The following CLIP4 variants were observed in gnomAD, a reference collection of about 807,000 sequenced individuals.
CLIP4 encodes the protein CAP-Gly domain containing linker protein family member 4, also known as CAP-Gly domain-containing linker protein 4.
CLIP4 carries 47 observed loss-of-function variants against 73.1 expected under a neutral mutation model. The ratio of observed to expected loss-of-function variants is 0.64; its 90% CI spans 0.51 to 0.82. CLIP4 has a LOEUF of 0.82. Ranked by LOEUF, CLIP4 falls within the 40% of genes least tolerant of loss-of-function variation. The pLI is 0.00. For synonymous variants in CLIP4, 306 were observed against 295.4 expected, an observed-to-expected ratio of 1.04 and a Z score of -0.37; for missense variants, 874 against 852.9, an observed-to-expected ratio of 1.02 and a Z score of -0.31.
At chr2:29,174,241 C>T in intron 14 of CLIP4, 132 bp from the exon 15 acceptor site, 1 of 799,496 alleles carries the variant, frequency 1.3e-6, no homozygotes, top group Non-Finnish European at 1.9e-6. Flanking sequence ...TGTGAGCCAC[C>T]ATGCCAGCCT....
intron 2 of CLIP4, chr2:29,130,607 T>G: frequency 9.0e-7 from 1 of 1,105,684 alleles, no homozygotes; most frequent in Non-Finnish European, 1.1e-6. Flanking sequence ...GGCTTCTATT[T>G]TGATTTTTGC....
At chr2:29,157,033 T>G (rs1666971046) in intron 10 of CLIP4, among the ~76,000 whole-genome samples, 171 bp from the exon 11 acceptor site, 1 of 152,198 alleles carries the variant, frequency 6.6e-6, no homozygotes, top group African/African-American at 2.4e-5. Context: ...TAAAATCTTT[T>G]ATATATAAAC....
At chr2:29,150,183 C>T (rs1169326390) in intron 8 of CLIP4, among the ~76,000 whole-genome samples, 1 of 152,188 alleles carries the variant, frequency 6.6e-6, no homozygotes, top group Admixed American at 6.5e-5. Flanking sequence ...CTTCCCACTC[C>T]AATTAATTTA....
chr2:29,112,450 G>T (rs547609635), upstream of CLIP4, among the ~76,000 whole-genome samples: 2 of 152,214 alleles, frequency 1.3e-5, no homozygotes, highest in South Asian at 4.1e-4. Flanking sequence ...TTTGCAAGTT[G>T]TTGGGTTAAT....
rs1308588943 is a variant in CLIP4, at chr2:29,183,586, T to G, written c.*1693T>G. 1 of 152,664 alleles carries G rather than the reference T, an allele frequency of 6.6e-6. No individual in the cohort carries two copies. Among genetic ancestry groups the G allele is most frequent in the Non-Finnish European group, 1.5e-5 (1 of 68,044 alleles). 9.5% of individuals were successfully genotyped at this position (152,664 alleles called of 1,614,324 possible). A position where few individuals can be genotyped will look rare whatever the true frequency, so the allele number is the denominator to read the frequency against. ...ATTTTTCCTGTTAAATATAAAACAC[T>G]GTAAGTTAAAAACAGTAATGCCAAC... On this transcript the variant is annotated 3_prime_UTR_variant, in exon 16 of 16. Coordinates refer to ENST00000320081, the MANE Select transcript of CLIP4 (RefSeq NM_024692.6).
At position 29,143,707 on chromosome 2, in the gene CLIP4, A is replaced by G; in HGVS notation, c.649-2A>G. ...ACATTTTTCTCTTATCTTTATTTGT[A>G]GAATGACAAAGGACAGATCCCTGCT... is the stretch of plus-strand genomic sequence containing the variant. On this transcript the variant is annotated splice_acceptor_variant, in intron 6 of 15. Coordinates refer to ENST00000320081, the MANE Select transcript of CLIP4 (RefSeq NM_024692.6). LOFTEE classifies it high-confidence loss of function. 2 of 1,590,838 alleles carry G rather than the reference A, an allele frequency of 1.3e-6. No homozygotes were observed. The highest frequency in any genetic ancestry group is 1.7e-6 in the Non-Finnish European group (2 of 1,159,406).
Position 29,128,001 on chromosome 2 carries a change from C to G in CLIP4, c.134-3257C>G, listed in dbSNP as rs192091539. On this transcript the variant is annotated intron_variant, in intron 2 of 15. Coordinates refer to ENST00000320081, the MANE Select transcript of CLIP4 (RefSeq NM_024692.6). ...GGAATTTCATACAATTTCTAAAACA[C>G]TTACATTAATAATATAGTCATACAA... Among the ~76,000 whole-genome samples the G allele has an allele frequency of 1.7e-3, 257 of 152,154 alleles. 1 individual carries two copies. The highest frequency in any genetic ancestry group is 5.8e-3 in the African/African-American group (241 of 41,528).
Position 29,143,718 on chromosome 2 carries a change from G to A in CLIP4, c.658G>A (p.Gly220Arg). The A allele has an allele frequency of 6.2e-7, 1 of 1,608,872 alleles. No homozygotes were observed. The highest frequency in any genetic ancestry group is 8.5e-7 in the Non-Finnish European group (1 of 1,175,210). ...GANPAFRNDK[G>R]QIPADVVPDP... ...TTATCTTTATTTGTAGAATGACAAA[G>A]GACAGATCCCTGCTGATGTTGTTCC... Residue 220 changes from glycine (G) to arginine (R), a missense_variant, in exon 7 of 16, where the codon GGA (glycine) becomes AGA (arginine). Physicochemically the swap from Gly to Arg is moderately radical, Grantham distance 125. Transcript: ENST00000320081.
intron 1 of CLIP4, among the ~76,000 whole-genome samples, chr2:29,109,376 T>C (rs183115968): frequency 5.3e-5 from 8 of 152,076 alleles, no homozygotes; most frequent in African/African-American, 1.9e-4. Context: ...CAATTTTTTT[T>C]AAAAAATAAA....
intron 6 of CLIP4, among the ~76,000 whole-genome samples, chr2:29,140,273 C>T (rs905219601): frequency 1.3e-5 from 2 of 152,068 alleles, no homozygotes; most frequent in Non-Finnish European, 2.9e-5. Context: ...TGTTCCCCTT[C>T]CTGTGTCCAT....
chr2:29,182,934 T>C lies in CLIP4; in HGVS notation c.*1041T>C, dbSNP rs1236169619. ...TGTATTAGTTATTTACTTAAATGTT[T>C]ATAATATCTGGATTTTTTTTGTTTT... On this transcript the variant is annotated 3_prime_UTR_variant, in exon 16 of 16. Coordinates refer to ENST00000320081, the MANE Select transcript of CLIP4 (RefSeq NM_024692.6). 1 of 152,664 alleles carries C rather than the reference T, an allele frequency of 6.6e-6. No homozygotes were observed. The highest frequency in any genetic ancestry group is 1.5e-5 in the Non-Finnish European group (1 of 68,038). The allele number at this position is 152,664 out of a possible 1,614,324, so 9.5% of individuals were successfully genotyped here. A position where few individuals can be genotyped will look rare whatever the true frequency, so the allele number is the denominator to read the frequency against.
chr2:29,166,542 C>CAG (rs1667632298), intron 13 of CLIP4, among the ~76,000 whole-genome samples: 1 of 151,672 alleles, frequency 6.6e-6, no homozygotes, highest in Non-Finnish European at 1.5e-5. Flanking sequence ...CACACACACA[C>CAG]ACACACACAC....
chr2:29,138,136 G>T (rs182593104), intron 6 of CLIP4, among the ~76,000 whole-genome samples: 1 of 151,948 alleles, frequency 6.6e-6, no homozygotes, highest in Non-Finnish European at 1.5e-5. Flanking sequence ...TTTGTAGTTC[G>T]AGGTCTTACA....
intron 9 of CLIP4, among the ~76,000 whole-genome samples, chr2:29,153,287 G>A (rs1246878511): frequency 6.6e-6 from 1 of 152,104 alleles, no homozygotes; most frequent in African/African-American, 2.4e-5. Context: ...AACTATGGAA[G>A]AGTTCTATGG....
chr2:29,150,643 C>CTTTTTTTT (rs34553625), intron 8 of CLIP4, among the ~76,000 whole-genome samples: 1 of 80,262 alleles, frequency 1.2e-5, no homozygotes, highest in Admixed American at 1.8e-4. Context: ...TTGATTTGCT[C>CTTTTTTTT]TTTTTTTTTT....
chr2:29,120,403 T>C (rs1664173639), intron 1 of CLIP4, among the ~76,000 whole-genome samples: 1 of 152,180 alleles, frequency 6.6e-6, no homozygotes. Context: ...TTGAGTTAGA[T>C]ATAGGGTTGG....
intron 1 of CLIP4, among the ~76,000 whole-genome samples, chr2:29,103,799 C>T (rs569362909): frequency 7.2e-5 from 11 of 152,038 alleles, no homozygotes; most frequent in South Asian, 2.1e-4. Context: ...TTGCAGCCTC[C>T]GCCTCCTGGG....
chr2:29,169,295 T>C (rs1667843353), intron 14 of CLIP4, among the ~76,000 whole-genome samples: 1 of 151,674 alleles, frequency 6.6e-6, no homozygotes, highest in Admixed American at 6.6e-5. Flanking sequence ...GTAGATGGCC[T>C]TCTATCTCTG....
At chr2:29,124,026 C>G (rs1664433469) in intron 2 of CLIP4, among the ~76,000 whole-genome samples, 2 of 152,130 alleles carry the variant, frequency 1.3e-5, no homozygotes, top group Admixed American at 1.3e-4. Flanking sequence ...ATTGAATTAT[C>G]TGTTAAATTT....
Sources: allele counts gnomAD v4.1 joint callset (sites outside exome capture counted in the v4.1 genomes callset), GRCh38; gene constraint gnomAD v4.1.1; transcripts MANE v1.5; gene names NCBI Gene and HGNC (gene_info 2026-07-23, HGNC 2026-07-21).